The following CAMK1D variants were observed in gnomAD, a reference collection of about 807,000 sequenced individuals.
CAMK1D encodes calcium/calmodulin-dependent protein kinase type 1D.
A neutral mutation model predicts 47.7 loss-of-function variants in CAMK1D; 9 were observed. That is an observed-to-expected ratio of 0.19 (90% confidence interval 0.11 to 0.33). The LOEUF (loss-of-function observed/expected upper bound fraction) is 0.33. CAMK1D is among the 10% of genes least tolerant of loss of function. The pLI is 1.00. For synonymous variants in CAMK1D, 184 were observed against 184.9 expected (o/e 0.99, Z 0.04); for missense variants, 291 against 488.7 (o/e 0.60, Z 3.81).
intron 3 of CAMK1D, among the ~76,000 whole-genome samples, chr10:12,730,088 A>G (rs563374125): frequency 6.6e-6 from 1 of 152,270 alleles, no homozygotes; most frequent in East Asian, 1.9e-4. Flanking sequence ...GAGAATGGAC[A>G]GTAGGGGGCA....
rs1564594070 is a variant in CAMK1D at position 12,827,462 on chromosome 10, T to TTTTCTTTCTTTCTTTC, written c.1040-1306_1040-1305insTTCTTTCTTTCTTTCT. On this transcript the variant is annotated intron_variant, in intron 10 of 10. Transcript: ENST00000619168. Reference sequence around the variant, plus strand: ...TTCTTTCTTTCTTTCTTTTCTTTCTTTGTCTGTCTGTCTTTCTTTCTTTCT... The same window carrying TTTTCTTTCTTTCTTTC: ...TTCTTTCTTTCTTTCTTTTCTTTCTTTTTCTTTCTTTCTTTCTGTCTGTCTGTCTTTCTTTCTTTCT... Among the ~76,000 whole-genome samples, 3 of 12,122 alleles carry TTTTCTTTCTTTCTTTC rather than the reference T, an allele frequency of 2.5e-4. 1 individual carries two copies. Among genetic ancestry groups the TTTTCTTTCTTTCTTTC allele is most frequent in the Admixed American group, 2.0e-3 (2 of 1,000 alleles). The allele number at this position is 12,122 out of a possible 152,430, so 8.0% of individuals were successfully genotyped here.
At chr10:12,718,876 G>C (rs1834259129) in intron 3 of CAMK1D, among the ~76,000 whole-genome samples, 1 of 152,000 alleles carries the variant, frequency 6.6e-6, no homozygotes, top group African/African-American at 2.4e-5. Context: ...CTCTCCCTAA[G>C]ACAGCACTAG....
intron 10 of CAMK1D, among the ~76,000 whole-genome samples, chr10:12,827,038 C>T (rs1248575910): frequency 6.6e-6 from 1 of 152,218 alleles, no homozygotes; most frequent in Admixed American, 6.5e-5. Context: ...TTCAGCGCAG[C>T]CTCTGAGGAG....
chr10:12,550,102 C>T (rs563488112), intron 1 of CAMK1D, among the ~76,000 whole-genome samples: 6 of 152,248 alleles, frequency 3.9e-5, no homozygotes, highest in Non-Finnish European at 5.9e-5. Flanking sequence ...GGGGCCTGAT[C>T]GCAGTTCCCA....
At chr10:12,588,982 C>CAT (rs1488613929) in intron 2 of CAMK1D, among the ~76,000 whole-genome samples, 1 of 151,418 alleles carries the variant, frequency 6.6e-6, no homozygotes, top group Non-Finnish European at 1.5e-5. Flanking sequence ...TACATACATA[C>CAT]ATATATATAA....
rs149457476 is a variant in CAMK1D, at chr10:12,374,585, T to C, written c.92+24675T>C. Reference sequence around the variant, plus strand: ...AGCCTACTTTGGGCTTCTCTGTCTTTATTCTTTCATTCTTCAACTCATGCT... The same window carrying C: ...AGCCTACTTTGGGCTTCTCTGTCTTCATTCTTTCATTCTTCAACTCATGCT... On this transcript the variant is annotated intron_variant, in intron 1 of 10. Coordinates refer to ENST00000619168, the MANE Select transcript of CAMK1D (RefSeq NM_153498.4). 6.7e-3 allele frequency among the ~76,000 whole-genome samples: 1,014 copies of C among 152,330 alleles called. 11 individuals carry two copies. The highest frequency in any genetic ancestry group is 0.01 in the Middle Eastern group (3 of 294).
chr10:12,762,585 G>A (rs767375574), intron 4 of CAMK1D, among the ~76,000 whole-genome samples: 3 of 152,128 alleles, frequency 2.0e-5, no homozygotes, highest in Non-Finnish European at 4.4e-5. Flanking sequence ...GTAGGTCTCC[G>A]GTGGGGGCTG....
At chr10:12,623,037 G>A (rs1324750908) in intron 2 of CAMK1D, among the ~76,000 whole-genome samples, 1 of 122,072 alleles carries the variant, frequency 8.2e-6, no homozygotes, top group African/African-American at 3.5e-5. Flanking sequence ...CCTTCCCTTC[G>A]CCCTTCCCTC....
intron 2 of CAMK1D, among the ~76,000 whole-genome samples, chr10:12,651,215 A>G: frequency 6.6e-6 from 1 of 151,868 alleles, no homozygotes. Context: ...CCCAAGCCCC[A>G]CCTCTGATGA....
chr10:12,504,044 C>A (rs1316330693), intron 1 of CAMK1D, among the ~76,000 whole-genome samples: 1 of 151,782 alleles, frequency 6.6e-6, no homozygotes, highest in Admixed American at 6.6e-5. Flanking sequence ...GCATATTAAC[C>A]AAAGAGTTGG....
chr10:12,693,959 T>TATATAC (rs1833045774), intron 3 of CAMK1D, among the ~76,000 whole-genome samples: 1 of 36,532 alleles, frequency 2.7e-5, no homozygotes, highest in Non-Finnish European at 5.1e-5. Context: ...ATATATATTA[T>TATATAC]ATATAAAATA....
At chr10:12,801,353 CT>C (rs373641543) in intron 6 of CAMK1D, among the ~76,000 whole-genome samples, 7,068 of 37,350 alleles carry the variant, frequency 0.19, 160 homozygotes, top group Middle Eastern at 0.28. Flanking sequence ...ATCTATCTAT[CT>C]TATCTATCTA....
chr10:12,408,169 C>CAATGTTGCG (rs1839515857), intron 1 of CAMK1D, among the ~76,000 whole-genome samples: 1 of 136,482 alleles, frequency 7.3e-6, no homozygotes. Flanking sequence ...CTTTCATTTT[C>CAATGTTGCG]TTTTTTTTTT....
intron 3 of CAMK1D, among the ~76,000 whole-genome samples, chr10:12,701,205 G>A (rs1249584308): frequency 2.0e-5 from 3 of 151,546 alleles, no homozygotes; most frequent in Non-Finnish European, 2.9e-5. Context: ...CTCCGCCTCC[G>A]GGGTTCAAGC....
intron 6 of CAMK1D, among the ~76,000 whole-genome samples, chr10:12,801,581 C>T (rs1308023223): frequency 6.6e-6 from 1 of 150,774 alleles, no homozygotes; most frequent in Non-Finnish European, 1.5e-5. Context: ...ATTCATCTTT[C>T]TGTTATCTAT....
rs373932374 is a variant in CAMK1D at position 12,563,664 on chromosome 10, T to TGAGAGAGAGAGAGAGAGAGAGA, written c.224+10322_224+10343dup. Reference sequence around the variant, plus strand: ...GGCATTCCAGAAGAGGCGGAAGGTTTGAGAGAGAGAGAGAGAGAGAGAGAG... The same window carrying TGAGAGAGAGAGAGAGAGAGAGA: ...GGCATTCCAGAAGAGGCGGAAGGTTTGAGAGAGAGAGAGAGAGAGAGAGAGAGAGAGAGAGAGAGAGAGAGAG... On this transcript the variant is annotated intron_variant, in intron 2 of 10. Coordinates refer to ENST00000619168, the MANE Select transcript of CAMK1D (RefSeq NM_153498.4). Among the ~76,000 whole-genome samples, 52 of 130,118 alleles carry TGAGAGAGAGAGAGAGAGAGAGA rather than the reference T, an allele frequency of 4.0e-4. No individual in the cohort carries two copies. In the East Asian group the frequency reaches 4.7e-3, roughly 12 times the overall value. The allele number at this position is 130,118 out of a possible 152,430, so 85.4% of individuals were successfully genotyped here. A position where few individuals can be genotyped will look rare whatever the true frequency, so the allele number is the denominator to read the frequency against.
intron 1 of CAMK1D, among the ~76,000 whole-genome samples, chr10:12,513,967 T>C (rs1413492353): frequency 6.6e-6 from 1 of 152,238 alleles, no homozygotes; most frequent in African/African-American, 2.4e-5. Flanking sequence ...TATGCCTCTC[T>C]GTTCGCTTGA....
intron 1 of CAMK1D, among the ~76,000 whole-genome samples, chr10:12,368,415 A>AG (rs1186570862): frequency 4.2e-4 from 64 of 151,824 alleles, no homozygotes; most frequent in Admixed American, 1.8e-3. Context: ...AAAAAAAAAA[A>AG]GTTTGTTGGG....
chr10:12,634,684 G>A (rs900774998), intron 2 of CAMK1D, among the ~76,000 whole-genome samples: 4 of 152,134 alleles, frequency 2.6e-5, no homozygotes, highest in Non-Finnish European at 4.4e-5. Context: ...GTGTCACTAC[G>A]AGTCTTGACT....
Sources: gnomAD v4.1 joint callset for allele counts (sites outside exome capture counted in the v4.1 genomes callset) on GRCh38, gnomAD v4.1.1 for gene constraint, MANE v1.5 for transcripts, NCBI Gene and HGNC (gene_info 2026-07-23, HGNC 2026-07-21) for gene names.